Variants in HAUS8 observed in about 807,000 individuals in gnomAD.
HAUS8 encodes HAUS augmin like complex subunit 8, also known as HAUS augmin-like complex subunit 8.
A neutral mutation model predicts 42.9 loss-of-function variants in HAUS8; 38 were observed. The observed-to-expected ratio is 0.89, with a 90% CI of 0.68 to 1.16. The LOEUF (loss-of-function observed/expected upper bound fraction) is 1.16, where lower values mean the gene tolerates loss of function less well. HAUS8 is among the 50% of genes most tolerant of loss of function. HAUS8 has a pLI of 0.00. For synonymous variants in HAUS8, 199 were observed against 205.8 expected (o/e 0.97, Z 0.28); for missense variants, 494 against 511.6 (o/e 0.97, Z 0.33).
Position 17,052,857 on chromosome 19 carries a change from G to A in HAUS8, c.897C>T (p.Asp299=), listed in dbSNP as rs767037813. The change falls in exon 10 of 11, where the codon GAC becomes GAT. Residue 299 remains aspartate (D), a synonymous_variant. Coordinates refer to ENST00000253669, the MANE Select transcript of HAUS8 (RefSeq NM_033417.2). ...QVLDLLSELK[D]VTAKKDLELR... ...GCTCAAGGTCCTTTTTCGCCGTCAC[G>A]TCCTTGAGTTCGCTCAGTAAGTCCA... 8 of 1,613,690 alleles carry A rather than the reference G, an allele frequency of 5.0e-6. No individual in the cohort carries two copies. The highest frequency in any genetic ancestry group is 4.0e-5 in the African/African-American group (3 of 74,846).
rs774893427 is a variant in HAUS8, at chr19:17,060,056, G to C, written c.266C>G (p.Ser89Cys). Residue 89 changes from serine (S) to cysteine (C), a missense_variant, in exon 5 of 11, where the codon TCC becomes TGC. Coordinates refer to ENST00000253669, the MANE Select transcript of HAUS8 (RefSeq NM_033417.2). Reference protein sequence around the residue: ...SSGVGKGDLQSTLLEGHGTAP... With the variant: ...SSGVGKGDLQCTLLEGHGTAP... Reference sequence around the variant, plus strand: ...TGTGCCATGCCCTTCCAGCAACGTGGACTGCAGGTCACCCTTTCCGACCCC... The same window carrying C: ...TGTGCCATGCCCTTCCAGCAACGTGCACTGCAGGTCACCCTTTCCGACCCC... The C allele has an allele frequency of 1.9e-6, 3 of 1,613,428 alleles. No homozygotes were observed. The highest frequency in any genetic ancestry group is 2.5e-6 in the Non-Finnish European group (3 of 1,179,598).
At position 17,059,657 on chromosome 19, in the gene HAUS8, A is replaced by G; in HGVS notation, c.326-6T>C. 6.2e-7 allele frequency: 1 copy of G among 1,603,092 alleles called. No individual in the cohort carries two copies. The highest frequency in any genetic ancestry group is 8.5e-7 in the Non-Finnish European group (1 of 1,170,808). ...CTTTTTGACGATGCTTTTGTCTAAG[A>G]TAAAGCACAGCATTTTTAATGGCAA... On this transcript the variant is annotated splice_region_variant and splice_polypyrimidine_tract_variant and intron_variant, in intron 5 of 10. Coordinates refer to ENST00000253669, the MANE Select transcript of HAUS8 (RefSeq NM_033417.2).
intron 6 of HAUS8, 30 bp downstream of exon 6, chr19:17,059,527 T>C: frequency 3.4e-6 from 5 of 1,469,688 alleles, no homozygotes; most frequent in Non-Finnish European, 4.8e-6. Context: ...GCAACCCATC[T>C]GTGGCTGCCC....
At chr19:17,057,332 A>G (rs2057332467) in intron 8 of HAUS8, among the ~76,000 whole-genome samples, 1 of 149,630 alleles carries the variant, frequency 6.7e-6, no homozygotes, top group South Asian at 2.2e-4. Flanking sequence ...CCTGGGTGAC[A>G]GAGCAAGACG....
At chr19:17,052,726 G>T in intron 10 of HAUS8, 99 bp downstream of exon 10, 1 of 1,326,028 alleles carries the variant, frequency 7.5e-7, no homozygotes, top group Non-Finnish European at 1.1e-6. Flanking sequence ...AACCTCCTCT[G>T]AACTCCTAGA....
chr19:17,066,731 C>T lies in HAUS8; in HGVS notation c.147+2300G>A, dbSNP rs190617653. 4.6e-5 allele frequency among the ~76,000 whole-genome samples: 7 copies of T among 152,246 alleles called. No individual in the cohort carries two copies. The East Asian group carries it at 1.2e-3, about 25-fold the overall frequency. On this transcript the variant is annotated intron_variant, in intron 3 of 10. Transcript: ENST00000253669. The stretch of plus-strand genomic sequence containing the variant: ...AGGAAACACAGTTTGAGTTTTTCTA[C>T]GAGCCAGCAATCCTCCTCCTGGGAG...
At chr19:17,062,033 G>A (rs1035687841) in intron 4 of HAUS8, among the ~76,000 whole-genome samples, 2 of 152,214 alleles carry the variant, frequency 1.3e-5, no homozygotes, top group Admixed American at 6.5e-5. Context: ...TCCTTTGCTT[G>A]TAAATAGTTT....
chr19:17,051,809 CA>C (rs1201563761), intron 10 of HAUS8: 3 of 151,886 alleles, frequency 2.0e-5, no homozygotes, highest in African/African-American at 7.3e-5. Flanking sequence ...GCTGAGACCA[CA>C]GGCATGCACC....
At chr19:17,062,864 G>A in intron 3 of HAUS8, 85 bp from the exon 4 acceptor site, 4 of 971,932 alleles carry the variant, frequency 4.1e-6, no homozygotes, top group South Asian at 1.3e-5. Context: ...ACTGTGTTTC[G>A]TAACTGCTCT....
intron 3 of HAUS8, among the ~76,000 whole-genome samples, chr19:17,068,541 A>G (rs2057401560): frequency 6.6e-6 from 1 of 152,162 alleles, no homozygotes; most frequent in South Asian, 2.1e-4. Context: ...CCGAGGCGGG[A>G]GCATCACTTG....
At chr19:17,051,382 G>A (rs1009477251) in intron 10 of HAUS8, among the ~76,000 whole-genome samples, 30 of 82,792 alleles carry the variant, frequency 3.6e-4, no homozygotes, top group African/African-American at 1.6e-3. Context: ...AATCTCCTGG[G>A]GGAGGTTAAA....
In HAUS8 at chr19:17,073,258, T is replaced by A. The variant is rs770674487; in HGVS notation, c.91+16A>T. ...AAGAAAACCATGTTCCTTAAAGAGATCCTGACACTGCTTACCTTGAACTCT... is the reference window on the plus strand; with the variant it reads ...AAGAAAACCATGTTCCTTAAAGAGAACCTGACACTGCTTACCTTGAACTCT... On this transcript the variant is annotated intron_variant, in intron 2 of 10. Coordinates refer to ENST00000253669, the MANE Select transcript of HAUS8 (RefSeq NM_033417.2). 2 of 1,608,876 alleles carry A rather than the reference T, an allele frequency of 1.2e-6. No homozygotes were observed. Among genetic ancestry groups the A allele is most frequent in the South Asian group, 2.2e-5 (2 of 90,974 alleles).
chr19:17,050,608 T>A (rs116999135), intron 10 of HAUS8, among the ~76,000 whole-genome samples: 13,365 of 152,096 alleles, frequency 0.088, 747 homozygotes, highest in Non-Finnish European at 0.13. Context: ...AAAATTTTTT[T>A]AAAAATACTG....
chr19:17,075,266 G>A lies in HAUS8; in HGVS notation c.29+128C>T, dbSNP rs1256265394. On this transcript the variant is annotated intron_variant, in intron 1 of 10. Transcript: ENST00000253669. ...GCAGCACGCCATCGGGGTCTTCAGG[G>A]GCCCGCGCAGTTCCTGGCGGGGTCG... is the stretch of plus-strand genomic sequence containing the variant. The A allele has an allele frequency of 2.9e-6, 3 of 1,026,298 alleles. No individual in the cohort carries two copies. The African/African-American group carries it at 4.7e-5, about 16-fold the overall frequency. The allele number at this position is 1,026,298 out of a possible 1,614,324, so 63.6% of individuals were successfully genotyped here. A position where few individuals can be genotyped will look rare whatever the true frequency, so the allele number is the denominator to read the frequency against.
intron 9 of HAUS8, among the ~76,000 whole-genome samples, chr19:17,055,385 A>G (rs970693357): frequency 6.7e-5 from 10 of 150,114 alleles, no homozygotes; most frequent in African/African-American, 1.2e-4. Context: ...AGGGTAGCCA[A>G]AAACTTGCTC....
In HAUS8 at chr19:17,052,882, A is replaced by T. The variant is rs1413044616; in HGVS notation, c.872T>A (p.Leu291Gln). 4 of 1,614,228 alleles carry T rather than the reference A, an allele frequency of 2.5e-6. No homozygotes were observed. In the East Asian group the frequency reaches 6.7e-5, roughly 27 times the overall value. Residue 291 changes from leucine (L) to glutamine (Q), a missense_variant, in exon 10 of 11, where the codon CTG becomes CAG. Leu to Gln is a moderately radical substitution (Grantham distance 113, BLOSUM62 -2). Coordinates refer to ENST00000253669, the MANE Select transcript of HAUS8 (RefSeq NM_033417.2). ...VGDSEENVQV[L>Q]DLLSELKDVT... is the part of the protein sequence containing the mutation. The stretch of plus-strand genomic sequence containing the variant: ...GTCCTTGAGTTCGCTCAGTAAGTCC[A>T]GCACCTGCACATTTTCTTCCGAATC...
chr19:17,065,754 G>A (rs2057383576), intron 3 of HAUS8, among the ~76,000 whole-genome samples: 1 of 151,806 alleles, frequency 6.6e-6, no homozygotes, highest in Admixed American at 6.6e-5. Flanking sequence ...AACCCGGGAG[G>A]CAGAGGTTGC....
intron 9 of HAUS8, among the ~76,000 whole-genome samples, chr19:17,054,836 T>G (rs2057310003): frequency 6.6e-6 from 1 of 151,796 alleles, no homozygotes; most frequent in Non-Finnish European, 1.5e-5. Flanking sequence ...GGTGGATGCC[T>G]GAAGCACTAG....
chr19:17,050,965 T>C (rs2057283929), intron 10 of HAUS8, among the ~76,000 whole-genome samples: 1 of 150,558 alleles, frequency 6.6e-6, no homozygotes, highest in African/African-American at 2.4e-5. Flanking sequence ...GAGACTGGGG[T>C]GGGATGATCG....
Sources: allele counts gnomAD v4.1 joint callset (sites outside exome capture counted in the v4.1 genomes callset), GRCh38; gene constraint gnomAD v4.1.1; transcripts MANE v1.5; gene names NCBI Gene and HGNC (gene_info 2026-07-23, HGNC 2026-07-21).